SLC35F2: variants seen among roughly 807,000 people sequenced by gnomAD.
SLC35F2 encodes solute carrier family 35 member F2.
In SLC35F2, 25 loss-of-function variants were observed where a neutral mutation model predicts 38.1. That is an observed-to-expected ratio of 0.66 (90% CI 0.48 to 0.92). SLC35F2 has a LOEUF of 0.92. SLC35F2 is among the 40% of genes least tolerant of loss of function. The pLI is 0.00. For synonymous variants in SLC35F2, 173 were observed against 181.7 expected (o/e 0.95, Z 0.38); for missense variants, 409 against 452.9 (o/e 0.90, Z 0.88).
chr11:107,852,444 G>C (rs192321752), intron 1 of SLC35F2, among the ~76,000 whole-genome samples: 1 of 151,850 alleles, frequency 6.6e-6, no homozygotes, highest in Admixed American at 6.6e-5. Flanking sequence ...CCAGCTACTC[G>C]GGAGGCTGAG....
chr11:107,832,201 T>C (rs1303015979), intron 1 of SLC35F2, among the ~76,000 whole-genome samples: 1 of 152,180 alleles, frequency 6.6e-6, no homozygotes, highest in African/African-American at 2.4e-5. Context: ...ACCCACTAGG[T>C]TATATCCAGT....
At chr11:107,850,375 C>T (rs1860159789) in intron 1 of SLC35F2, among the ~76,000 whole-genome samples, 1 of 152,088 alleles carries the variant, frequency 6.6e-6, no homozygotes, top group African/African-American at 2.4e-5. Context: ...ATCAGTGGTT[C>T]TCAATTAGGG....
At chr11:107,847,702 G>A (rs10890770) in intron 1 of SLC35F2, among the ~76,000 whole-genome samples, 64,476 of 152,000 alleles carry the variant, frequency 0.42, 13,774 homozygotes, top group Admixed American at 0.53. Context: ...AACTGAAAAT[G>A]TGTGTCAGGA....
At chr11:107,792,878 G>T in intron 7 of SLC35F2, 78 bp from the exon 8 acceptor site, 2 of 1,435,748 alleles carry the variant, frequency 1.4e-6, no homozygotes, top group Admixed American at 5.7e-5. Context: ...ACTGTGCTTC[G>T]AGGATTACCC....
At chr11:107,805,691 T>C (rs1416817963) in intron 4 of SLC35F2, 176 bp from the exon 5 acceptor site, 3 of 983,714 alleles carry the variant, frequency 3.0e-6, no homozygotes, top group African/African-American at 3.5e-5. Context: ...TGTGTATGTG[T>C]GTGTTTGAGA....
At chr11:107,825,826 G>C (rs1362017135) in intron 1 of SLC35F2, among the ~76,000 whole-genome samples, 1 of 152,142 alleles carries the variant, frequency 6.6e-6, no homozygotes, top group Non-Finnish European at 1.5e-5. Context: ...TCCATGGGCT[G>C]TTCAGGATCT....
chr11:107,851,137 C>T (rs1860177454), intron 1 of SLC35F2, among the ~76,000 whole-genome samples: 1 of 151,978 alleles, frequency 6.6e-6, no homozygotes, highest in African/African-American at 2.4e-5. Flanking sequence ...GTGGCACGTG[C>T]CTGTAGTCCC....
chr11:107,851,329 G>A (rs1860181798), intron 1 of SLC35F2, among the ~76,000 whole-genome samples: 1 of 151,264 alleles, frequency 6.6e-6, no homozygotes. Flanking sequence ...CAGGCATGGT[G>A]GCAGGCGCCT....
chr11:107,834,865 AATT>A lies in SLC35F2; in HGVS notation c.111-18903_111-18901del, dbSNP rs536723373. Among the ~76,000 whole-genome samples the A allele has an allele frequency of 6.2e-3, 940 of 152,332 alleles. 11 individuals carry two copies. The highest frequency in any genetic ancestry group is 0.02 in the African/African-American group (847 of 41,570). ...ACAGATTCAGTTATTATGGAATTAT[AATT>A]ATTATACATTTAAGTTGGAATTCTG... is the stretch of plus-strand genomic sequence containing the variant. On this transcript the variant is annotated intron_variant, in intron 1 of 7. Coordinates refer to ENST00000525815, the MANE Select transcript of SLC35F2 (RefSeq NM_017515.5).
intron 7 of SLC35F2, among the ~76,000 whole-genome samples, chr11:107,796,257 A>T (rs1259549718): frequency 6.6e-6 from 1 of 152,244 alleles, no homozygotes; most frequent in Non-Finnish European, 1.5e-5. Flanking sequence ...TATACAATCC[A>T]GCAATCCCAC....
At chr11:107,832,120 C>T (rs143102904) in intron 1 of SLC35F2, among the ~76,000 whole-genome samples, 1 of 152,156 alleles carries the variant, frequency 6.6e-6, no homozygotes, top group African/African-American at 2.4e-5. Flanking sequence ...GCTAATTTTG[C>T]AGTATTCTAT....
At chr11:107,830,594 A>AAG (rs1161088804) in intron 1 of SLC35F2, among the ~76,000 whole-genome samples, 1 of 151,602 alleles carries the variant, frequency 6.6e-6, no homozygotes, top group South Asian at 2.1e-4. Context: ...AAAAAAAAAA[A>AAG]AAAAAGAAAA....
intron 7 of SLC35F2, among the ~76,000 whole-genome samples, chr11:107,802,568 TG>T (rs1365802893): frequency 2.0e-5 from 3 of 152,210 alleles, no homozygotes; most frequent in African/African-American, 7.2e-5. Context: ...CATGCATGCA[TG>T]ATAAACTGGC....
In SLC35F2 at chr11:107,858,520, C is replaced by T. The variant is rs143039288; in HGVS notation, c.110+138G>A. ...CCATACCTGGTGTGCGTGTTGAGCC[C>T]CGAACCGAAGTCCGTGCGGCCGCCA... On this transcript the variant is annotated intron_variant, in intron 1 of 7. Transcript: ENST00000525815. 3.5e-5 allele frequency: 26 copies of T among 748,632 alleles called. No individual in the cohort carries two copies. In the Middle Eastern group the frequency reaches 1.6e-3, roughly 47 times the overall value. 46.4% of individuals were successfully genotyped at this position (748,632 alleles called of 1,614,324 possible). A position where few individuals can be genotyped will look rare whatever the true frequency, so the allele number is the denominator to read the frequency against.
chr11:107,856,898 A>G (rs71464785), intron 1 of SLC35F2, among the ~76,000 whole-genome samples: 928 of 57,450 alleles, frequency 0.016, 25 homozygotes, highest in African/African-American at 0.029. Context: ...GAGGGAGGGA[A>G]GGAAGGAAGG....
At chr11:107,820,342 G>A (rs1422333422) in intron 1 of SLC35F2, among the ~76,000 whole-genome samples, 1 of 150,924 alleles carries the variant, frequency 6.6e-6, no homozygotes, top group Non-Finnish European at 1.5e-5. Context: ...GGGCTCTAAG[G>A]AAACTTCCTC....
intron 1 of SLC35F2, among the ~76,000 whole-genome samples, chr11:107,843,712 G>A (rs768795176): frequency 2.7e-5 from 4 of 150,796 alleles, no homozygotes; most frequent in Admixed American, 6.6e-5. Context: ...TTAAAATTAG[G>A]TCTAGAGATG....
At chr11:107,814,277 G>A (rs1234012751) in intron 2 of SLC35F2, among the ~76,000 whole-genome samples, 1 of 151,980 alleles carries the variant, frequency 6.6e-6, no homozygotes, top group Non-Finnish European at 1.5e-5. Flanking sequence ...AGACCAGTCT[G>A]GCCAACATCT....
intron 7 of SLC35F2, among the ~76,000 whole-genome samples, chr11:107,796,765 C>T (rs1416019363): frequency 6.6e-6 from 1 of 152,120 alleles, no homozygotes; most frequent in Admixed American, 6.6e-5. Flanking sequence ...GCCTCCCAGG[C>T]TCAAGCAATC....
Sources: allele counts gnomAD v4.1 joint callset (sites outside exome capture counted in the v4.1 genomes callset), GRCh38; gene constraint gnomAD v4.1.1; transcripts MANE v1.5; gene names NCBI Gene and HGNC (gene_info 2026-07-23, HGNC 2026-07-21).